The following LLGL1 variants were observed in gnomAD, a reference collection of about 807,000 sequenced individuals.
The protein encoded by LLGL1 is lethal(2) giant larvae protein homolog 1.
LLGL1 carries 58 observed loss-of-function variants against 110.6 expected under a neutral mutation model. That is an observed-to-expected ratio of 0.52 (90% CI 0.42 to 0.65). LLGL1 has a LOEUF of 0.65. Ranked by LOEUF, LLGL1 falls within the 30% of genes least tolerant of loss-of-function variation. The pLI is 0.00. For missense variants in LLGL1, 1,229 were observed against 1,462.1 expected (o/e 0.84, Z 2.60); for synonymous variants, 674 against 607.2 (o/e 1.11, Z -1.62).
Position 18,234,075 on chromosome 17 carries a change from T to C in LLGL1, c.614T>C (p.Leu205Pro), listed in dbSNP as rs1253880646. 2 of 1,611,202 alleles carry C rather than the reference T, an allele frequency of 1.2e-6. No homozygotes were observed. The highest frequency in any genetic ancestry group is 1.7e-6 in the Non-Finnish European group (2 of 1,178,632). Reference sequence around the variant, plus strand: ...CCCGTGGAGTCACTCCAGGGACACCTGCGGGACCCCACAAAGATTCTCATT... The same window carrying C: ...CCCGTGGAGTCACTCCAGGGACACCCGCGGGACCCCACAAAGATTCTCATT... ...LGPVESLQGH[L>P]RDPTKILIGY... The change falls in exon 6 of 23, where the codon CTG (leucine) becomes CCG (proline). Residue 205 changes from leucine to proline, a missense_variant. Leu to Pro is a moderately conservative substitution (Grantham distance 98, BLOSUM62 -3). Transcript: ENST00000316843.
rs577019451 is a variant in LLGL1 at position 18,240,912 on chromosome 17, C to T, written c.2502+39C>T. On this transcript the variant is annotated intron_variant, in intron 17 of 22. Transcript: ENST00000316843. This position sits in a 1 kb window ranked among gnomAD's most constrained non-coding sequence, Gnocchi z 5.3. Reference sequence around the variant, plus strand: ...GGCTGTGGGGGACTCTGGGGGACTCCCCTCCAGGCCCCAACCTCATGGACA... The same window carrying T: ...GGCTGTGGGGGACTCTGGGGGACTCTCCTCCAGGCCCCAACCTCATGGACA... 2 of 1,474,866 alleles carry T rather than the reference C, an allele frequency of 1.4e-6. No homozygotes were observed. Among genetic ancestry groups the T allele is most frequent in the East Asian group, 2.5e-5 (1 of 39,952 alleles). 91.4% of individuals were successfully genotyped at this position (1,474,866 alleles called of 1,614,324 possible). A position where few individuals can be genotyped will look rare whatever the true frequency, so the allele number is the denominator to read the frequency against.
chr17:18,234,890 C>T lies in LLGL1; in HGVS notation c.957C>T (p.Asp319=). 1 of 1,614,092 alleles carries T rather than the reference C, an allele frequency of 6.2e-7. No individual in the cohort carries two copies. ...GCATGCCCCGTGCCAGCTATGGTGA[C>T]CGCCACTGTGTAAGTGTGCTTCGAG... is the stretch of plus-strand genomic sequence containing the variant. ...SGGMPRASYG[D]RHCVSVLRAE... The change falls in exon 9 of 23, where the codon GAC becomes GAT. Residue 319 remains aspartate (D), a synonymous_variant. Coordinates refer to ENST00000316843, the MANE Select transcript of LLGL1 (RefSeq NM_004140.4).
chr17:18,243,323 G>A (rs1450509882), intron 22 of LLGL1, among the ~76,000 whole-genome samples: 2 of 152,114 alleles, frequency 1.3e-5, no homozygotes, highest in South Asian at 2.1e-4. Context: ...TAGCCAGGAT[G>A]GTCTCGATCT....
chr17:18,232,240 C>T (rs930231252), intron 2 of LLGL1, among the ~76,000 whole-genome samples: 1 of 152,234 alleles, frequency 6.6e-6, no homozygotes, highest in South Asian at 2.1e-4. Context: ...GCCCAATTTA[C>T]GGGAAGTGAA....
intron 15 of LLGL1, 62 bp downstream of exon 15, chr17:18,238,276 C>T (rs1165196727): frequency 2.5e-6 from 4 of 1,598,268 alleles, no homozygotes; most frequent in East Asian, 4.5e-5. Context: ...CTGGCTCTGG[C>T]CTGGGACCCC....
At position 18,233,849 on chromosome 17, in the gene LLGL1, C is replaced by T; in HGVS notation, c.464C>T (p.Thr155Ile). ...GCCAGCGACATAGCAGCCCTGGGCA[C>T]TGAGGGCAGCAGTGTCTTCTTCCTG... ...VAASDIAALG[T>I]EGSSVFFLDV... is the part of the protein sequence containing the mutation. Residue 155 changes from threonine (T) to isoleucine (I), a missense_variant, in exon 5 of 23, where the codon ACT becomes ATT. By Grantham distance (89) the Thr-to-Ile change is moderately conservative (BLOSUM62 -1). Coordinates refer to ENST00000316843, the MANE Select transcript of LLGL1 (RefSeq NM_004140.4). 6.2e-7 allele frequency: 1 copy of T among 1,613,870 alleles called. No individual in the cohort carries two copies. Among genetic ancestry groups the T allele is most frequent in the Non-Finnish European group, 8.5e-7 (1 of 1,179,966 alleles).
chr17:18,235,219 C>T lies in LLGL1; in HGVS notation c.1191C>T (p.Cys397=). 1 of 1,611,140 alleles carries T rather than the reference C, an allele frequency of 6.2e-7. No homozygotes were observed. The highest frequency in any genetic ancestry group is 8.5e-7 in the Non-Finnish European group (1 of 1,180,032). ...CGCTGCACTCCTCTGCAATCACTTGCTCGGCCCACGTGGCCAGTGTCCCCG... is the reference window on the plus strand; with the variant it reads ...CGCTGCACTCCTCTGCAATCACTTGTTCGGCCCACGTGGCCAGTGTCCCCG... ...LAPLHSSAIT[C]SAHVASVPAK... Residue 397 remains cysteine (C), a synonymous_variant, in exon 10 of 23, where the codon TGC becomes TGT. Transcript: ENST00000316843.
intron 21 of LLGL1, 33 bp from the exon 22 acceptor site, chr17:18,242,710 C>G: frequency 6.4e-7 from 1 of 1,560,530 alleles, no homozygotes; most frequent in Non-Finnish European, 8.7e-7. Context: ...GGCTCCCCCG[C>G]CCCCACCCCT....
chr17:18,241,289 G>C lies in LLGL1; in HGVS notation c.2503-162G>C, dbSNP rs201201365. On this transcript the variant is annotated intron_variant, in intron 17 of 22. Transcript: ENST00000316843. ...GGAGGTTTCTGGAGTACAGTGTGAA[G>C]TCTGGAGTTTAGTGGGGCAGCCAGG... 220 of 818,602 alleles carry C rather than the reference G, an allele frequency of 2.7e-4. 1 individual carries two copies. The East Asian group carries it at 5.4e-3, about 20-fold the overall frequency. The allele number at this position is 818,602 out of a possible 1,614,324, so 50.7% of individuals were successfully genotyped here. A position where few individuals can be genotyped will look rare whatever the true frequency, so the allele number is the denominator to read the frequency against.
Position 18,238,596 on chromosome 17 carries a change from A to G in LLGL1, c.2193A>G (p.Thr731=), listed in dbSNP as rs372871003. ...TGCGTTGCCTATACTTTGCCGACACATTCCTTCGAGATGGTAAGGCAGGGG... is the reference window on the plus strand; with the variant it reads ...TGCGTTGCCTATACTTTGCCGACACGTTCCTTCGAGATGGTAAGGCAGGGG... ...GVVRCLYFAD[T]FLRDGAHHGP... Residue 731 remains threonine (T), a synonymous_variant, in exon 16 of 23, where the codon ACA becomes ACG. Transcript: ENST00000316843. 3 of 1,612,062 alleles carry G rather than the reference A, an allele frequency of 1.9e-6. No homozygotes were observed. The highest frequency in any genetic ancestry group is 2.2e-5 in the East Asian group (1 of 44,882).
In LLGL1 at chr17:18,239,365, CTGAT is replaced by C. The variant is rs535049405; in HGVS notation, c.2206+762_2206+765del. On this transcript the variant is annotated intron_variant, in intron 16 of 22. Coordinates refer to ENST00000316843, the MANE Select transcript of LLGL1 (RefSeq NM_004140.4). Reference sequence around the variant, plus strand: ...GGTCCTGGATTTGTTGATTGAGTCACTGATTGATTTTGAACTTGTACAATGGGAG... The same window carrying C: ...GGTCCTGGATTTGTTGATTGAGTCACTGATTTTGAACTTGTACAATGGGAG... Among the ~76,000 whole-genome samples the C allele has an allele frequency of 3.2e-3, 488 of 152,256 alleles. 1 individual carries two copies. The highest frequency in any genetic ancestry group is 6.8e-3 in the Middle Eastern group (2 of 294).
intron 20 of LLGL1, 59 bp downstream of exon 20, chr17:18,242,337 T>C: frequency 3.8e-6 from 6 of 1,559,472 alleles, no homozygotes; most frequent in Non-Finnish European, 5.3e-6. Flanking sequence ...GGGGAGGGAG[T>C]CGGGACTCAC....
chr17:18,233,608 A>G (rs2047618000), intron 4 of LLGL1, among the ~76,000 whole-genome samples, 170 bp from the exon 5 acceptor site: 2 of 152,112 alleles, frequency 1.3e-5, no homozygotes, highest in Admixed American at 6.5e-5. Flanking sequence ...CTGATGAATA[A>G]TTGAGCGGGC....
At chr17:18,237,423 G>A in intron 13 of LLGL1, 58 bp from the exon 14 acceptor site, 1 of 1,457,882 alleles carries the variant, frequency 6.9e-7, no homozygotes, top group Non-Finnish European at 9.1e-7. Flanking sequence ...AGGCTGAGTG[G>A]GGCCCAGGGC....
At chr17:18,232,939 G>T (rs958945376) in intron 4 of LLGL1, 137 bp downstream of exon 4, 1 of 1,138,174 alleles carries the variant, frequency 8.8e-7, no homozygotes, top group Non-Finnish European at 1.3e-6. Context: ...CTGGGTCCCA[G>T]GCTGCAGCTG....
intron 2 of LLGL1, among the ~76,000 whole-genome samples, chr17:18,230,427 CAT>C (rs904968816): frequency 1.3e-4 from 20 of 152,168 alleles, no homozygotes; most frequent in South Asian, 4.1e-4. Context: ...CTGATGCACA[CAT>C]GTGTGAATGT....
intron 4 of LLGL1, 36 bp downstream of exon 4, chr17:18,232,838 A>G (rs1268576065): frequency 1.2e-6 from 2 of 1,612,582 alleles, no homozygotes; most frequent in African/African-American, 2.7e-5. Flanking sequence ...GCCACCGGGC[A>G]GGGAGGATCT....
chr17:18,242,708 C>T (rs370122119), intron 21 of LLGL1, 35 bp from the exon 22 acceptor site: 6 of 1,560,710 alleles, frequency 3.8e-6, no homozygotes, highest in African/African-American at 1.4e-5. Flanking sequence ...GGGGCTCCCC[C>T]GCCCCCACCC....
At position 18,244,736 on chromosome 17, in the gene LLGL1, A is replaced by AGGGGGGGGGGGGGGGTG. The variant is rs1567700333; in HGVS notation, c.*840_*841insGGGGGTGGGGGGGGGGG. 9.8e-5 allele frequency: 1 copy of AGGGGGGGGGGGGGGGTG among 10,212 alleles called. No individual in the cohort carries two copies. Among genetic ancestry groups the AGGGGGGGGGGGGGGGTG allele is most frequent in the Non-Finnish European group, 1.9e-4 (1 of 5,172 alleles). 0.6% of individuals were successfully genotyped at this position (10,212 alleles called of 1,614,324 possible). A position where few individuals can be genotyped will look rare whatever the true frequency, so the allele number is the denominator to read the frequency against. On this transcript the variant is annotated 3_prime_UTR_variant, in exon 23 of 23. Transcript: ENST00000316843. Reference sequence around the variant, plus strand: ...TGTGTGTCCGGCGGGGGGGGGGGGCAGGGGGGGGGGTCAAGATGAGTTTCC... The same window carrying AGGGGGGGGGGGGGGGTG: ...TGTGTGTCCGGCGGGGGGGGGGGGCAGGGGGGGGGGGGGGGTGGGGGGGGGGGTCAAGATGAGTTTCC...
Sources: allele counts gnomAD v4.1 joint callset (sites outside exome capture counted in the v4.1 genomes callset), GRCh38; gene constraint gnomAD v4.1.1; non-coding constraint Gnocchi (gnomAD v3.1); transcripts MANE v1.5; gene names NCBI Gene and HGNC (gene_info 2026-07-23, HGNC 2026-07-21).